ARHGAP26: variants seen among roughly 807,000 people sequenced by gnomAD.
ARHGAP26 encodes Rho GTPase activating protein 26, also known as rho GTPase-activating protein 26.
ARHGAP26 carries 38 observed loss-of-function variants against 104.8 expected under a neutral mutation model. The observed-to-expected ratio is 0.36, with a 90% CI of 0.28 to 0.48. The LOEUF (loss-of-function observed/expected upper bound fraction) is 0.48, where lower values mean the gene tolerates loss of function less well. Ranked by LOEUF, ARHGAP26 falls within the 20% of genes least tolerant of loss-of-function variation. The pLI is 0.99. For synonymous variants in ARHGAP26, 341 were observed against 340.0 expected (o/e 1.00, Z -0.03); for missense variants, 704 against 947.9 (o/e 0.74, Z 3.38).
intron 17 of ARHGAP26, among the ~76,000 whole-genome samples, chr5:143,110,116 C>T (rs1392911608): frequency 6.6e-6 from 1 of 152,226 alleles, no homozygotes; most frequent in Non-Finnish European, 1.5e-5. Flanking sequence ...GACATGCCTT[C>T]TCCATGAGAT....
At chr5:142,925,166 T>A (rs753258470) in intron 10 of ARHGAP26, among the ~76,000 whole-genome samples, 4 of 152,182 alleles carry the variant, frequency 2.6e-5, no homozygotes, top group African/African-American at 4.8e-5. Context: ...GATATTTCCT[T>A]TAGGTGGGGT....
At chr5:143,210,509 A>G (rs1809286074) in intron 21 of ARHGAP26, among the ~76,000 whole-genome samples, 1 of 152,312 alleles carries the variant, frequency 6.6e-6, no homozygotes, top group African/African-American at 2.4e-5. Flanking sequence ...GTCAGGAATG[A>G]AGATGCCTTT....
intron 1 of ARHGAP26, among the ~76,000 whole-genome samples, chr5:142,842,344 G>A (rs764849872): frequency 6.6e-5 from 10 of 152,164 alleles, no homozygotes; most frequent in Admixed American, 1.3e-4. Context: ...ATCTGGGTAT[G>A]TAGTCTGTGG....
At chr5:142,864,692 A>G (rs1753947131) in intron 1 of ARHGAP26, among the ~76,000 whole-genome samples, 1 of 152,176 alleles carries the variant, frequency 6.6e-6, no homozygotes, top group Non-Finnish European at 1.5e-5. Context: ...TGCTGTGGGA[A>G]GGAAAGCAAG....
At chr5:143,006,385 T>C (rs1273091239) in intron 11 of ARHGAP26, among the ~76,000 whole-genome samples, 1 of 151,716 alleles carries the variant, frequency 6.6e-6, no homozygotes, top group Non-Finnish European at 1.5e-5. Context: ...ATCAGTACTT[T>C]CTGAGTGGCT....
chr5:142,915,834 C>T (rs572850403), intron 10 of ARHGAP26: 6 of 152,230 alleles, frequency 3.9e-5, no homozygotes, highest in South Asian at 2.1e-4. Flanking sequence ...GAAGGGAGTC[C>T]GGGTAGAGAA....
chr5:143,150,191 TAAGTCAGGACCA>T (rs1799652386), intron 20 of ARHGAP26, among the ~76,000 whole-genome samples: 1 of 152,192 alleles, frequency 6.6e-6, no homozygotes, highest in South Asian at 2.1e-4. Flanking sequence ...GGACAATTGG[TAAGTCAGGACCA>T]AAGTCCAGCT....
rs77230183 is a variant in ARHGAP26, at chr5:142,801,108, T to C, written c.154+30193T>C. 5.7e-3 allele frequency among the ~76,000 whole-genome samples: 875 copies of C among 152,286 alleles called. 18 individuals carry two copies. In the East Asian group the frequency reaches 0.063, roughly 11 times the overall value. On this transcript the variant is annotated intron_variant, in intron 1 of 22. Transcript: ENST00000645722. The stretch of plus-strand genomic sequence containing the variant: ...CATGATGGTGGCTATGTGGTTTTAG[T>C]TGGTTGGAGCACAGGTCTGATTGCT...
At chr5:143,115,312 G>A (rs2398615) in intron 17 of ARHGAP26, among the ~76,000 whole-genome samples, 141,152 of 151,954 alleles carry the variant, frequency 0.93, 65,897 homozygotes, top group East Asian at 1. Context: ...CAGCCTGCAC[G>A]ACAAGAGTGA....
chr5:143,057,012 G>A (rs1179524971), intron 16 of ARHGAP26, among the ~76,000 whole-genome samples: 5 of 152,212 alleles, frequency 3.3e-5, no homozygotes, highest in Non-Finnish European at 4.4e-5. Flanking sequence ...GGTGTGATGA[G>A]TACCATCAGT....
intron 11 of ARHGAP26, among the ~76,000 whole-genome samples, chr5:143,002,042 A>G (rs966166731): frequency 1.3e-5 from 2 of 152,262 alleles, no homozygotes; most frequent in East Asian, 3.9e-4. Flanking sequence ...TCCAAGGGGC[A>G]TTGTGGGGAT....
chr5:142,846,474 C>T (rs1286436183), intron 1 of ARHGAP26, among the ~76,000 whole-genome samples: 1 of 152,084 alleles, frequency 6.6e-6, no homozygotes, highest in Admixed American at 6.5e-5. Context: ...GTTTGACCTT[C>T]TTCTCCTCTC....
In ARHGAP26 at chr5:143,207,524, A is replaced by G. The variant is rs375536203; in HGVS notation, c.2099+216A>G. On this transcript the variant is annotated intron_variant, in intron 21 of 22. Coordinates refer to ENST00000645722, the MANE Select transcript of ARHGAP26 (RefSeq NM_001135608.3). ...TGTTCCCGTTTATCCAAAGCTGGCCAGGGACAACAGGGGGCTGCCCCTGCT... is the reference window on the plus strand; with the variant it reads ...TGTTCCCGTTTATCCAAAGCTGGCCGGGGACAACAGGGGGCTGCCCCTGCT... The G allele has an allele frequency of 2.5e-6, 4 of 1,596,204 alleles. No individual in the cohort carries two copies. The African/African-American group carries it at 4.0e-5, about 16-fold the overall frequency.
At chr5:142,813,119 T>C (rs1216004665) in intron 1 of ARHGAP26, among the ~76,000 whole-genome samples, 1 of 152,010 alleles carries the variant, frequency 6.6e-6, no homozygotes, top group African/African-American at 2.4e-5. Context: ...TTTTGTAGTT[T>C]TTTAGTAGAG....
chr5:143,188,227 C>G (rs1433721085), intron 20 of ARHGAP26, among the ~76,000 whole-genome samples: 1 of 152,180 alleles, frequency 6.6e-6, no homozygotes, highest in African/African-American at 2.4e-5. Context: ...TGGGGGCATT[C>G]ACACTTCCCA....
chr5:142,883,127 C>T (rs1371467749), intron 4 of ARHGAP26, among the ~76,000 whole-genome samples: 1 of 152,036 alleles, frequency 6.6e-6, no homozygotes, highest in African/African-American at 2.4e-5. Flanking sequence ...TTATTTTTTT[C>T]TCTAACTTTG....
At chr5:143,122,580 A>G (rs1326467809) in intron 18 of ARHGAP26, among the ~76,000 whole-genome samples, 1 of 152,256 alleles carries the variant, frequency 6.6e-6, no homozygotes, top group African/African-American at 2.4e-5. Flanking sequence ...GCAACACCTC[A>G]TTCTGTAAAA....
rs70991779 is a variant in ARHGAP26, at chr5:142,786,654, ATTTTTTTTTT to A, written c.154+15755_154+15764del. 6.7e-5 allele frequency among the ~76,000 whole-genome samples: 7 copies of A among 104,490 alleles called. No individual in the cohort carries two copies. The East Asian group carries it at 9.0e-4, about 13-fold the overall frequency. The allele number at this position is 104,490 out of a possible 152,430, so 68.5% of individuals were successfully genotyped here. A position where few individuals can be genotyped will look rare whatever the true frequency, so the allele number is the denominator to read the frequency against. Reference sequence around the variant, plus strand: ...TGAAACAGATTTCTGGAGTTCTAGAATTTTTTTTTTTTTTTTTTTTTTTTTGAGATGGAGT... The same window carrying A: ...TGAAACAGATTTCTGGAGTTCTAGAATTTTTTTTTTTTTTTGAGATGGAGT... On this transcript the variant is annotated intron_variant, in intron 1 of 22. Transcript: ENST00000645722.
At chr5:142,970,151 C>T (rs554562197) in intron 11 of ARHGAP26, among the ~76,000 whole-genome samples, 1 of 152,122 alleles carries the variant, frequency 6.6e-6, no homozygotes, top group Non-Finnish European at 1.5e-5. Context: ...GGAAAATTCC[C>T]ACTGAGCCCA....
Sources: gnomAD v4.1 joint callset for allele counts (sites outside exome capture counted in the v4.1 genomes callset) on GRCh38, gnomAD v4.1.1 for gene constraint, MANE v1.5 for transcripts, NCBI Gene and HGNC (gene_info 2026-07-23, HGNC 2026-07-21) for gene names.